KHDC3L: variants seen among roughly 807,000 people sequenced by gnomAD.
KHDC3L encodes the protein KH domain-containing protein 3.
KHDC3L carries 6 observed loss-of-function variants against 11.4 expected under a neutral mutation model. That is an observed-to-expected ratio of 0.52 (90% CI 0.29 to 1.03). The LOEUF (loss-of-function observed/expected upper bound fraction) is 1.03. Ranked by LOEUF, KHDC3L falls within the 50% of genes least tolerant of loss-of-function variation. The pLI, the probability that KHDC3L is intolerant of heterozygous loss-of-function variation, is 0.09. For missense variants in KHDC3L, 293 were observed against 290.4 expected, an observed-to-expected ratio of 1.01 and a Z score of -0.07; for synonymous variants, 127 against 120.9, an observed-to-expected ratio of 1.05 and a Z score of -0.33.
rs1417733121 is a variant in KHDC3L at position 73,363,985 on chromosome 6, G to A, written c.*125G>A. 5.8e-6 allele frequency: 6 copies of A among 1,027,088 alleles called. No individual in the cohort carries two copies. Among genetic ancestry groups the A allele is most frequent in the African/African-American group, 4.7e-5 (3 of 63,288 alleles). The allele number at this position is 1,027,088 out of a possible 1,614,324, so 63.6% of individuals were successfully genotyped here. A position where few individuals can be genotyped will look rare whatever the true frequency, so the allele number is the denominator to read the frequency against. The stretch of plus-strand genomic sequence containing the variant: ...GTTTTACCCTTTCTGTTGCATGGTT[G>A]CAAACACAAACTTGAGTTCTAATAA... On this transcript the variant is annotated 3_prime_UTR_variant, in exon 3 of 3. Transcript: ENST00000370367.
intron 1 of KHDC3L, 39 bp from the exon 2 acceptor site, chr6:73,363,056 A>G (rs1431265281): frequency 6.2e-7 from 1 of 1,612,596 alleles, no homozygotes; most frequent in Admixed American, 1.7e-5. Context: ...GACCCCCGGG[A>G]GCCACCGGTC....
At chr6:73,363,355 GGC>G in intron 2 of KHDC3L, 81 bp downstream of exon 2, 1 of 1,555,802 alleles carries the variant, frequency 6.4e-7, no homozygotes, top group Non-Finnish European at 8.8e-7. Context: ...CTGCTGGGGC[GGC>G]AGTCTCGCCC....
Position 73,363,238 on chromosome 6 carries a change from AACCTGGCTG to A in KHDC3L, c.316_324del (p.Leu106_Asp108del). 1 of 1,614,196 alleles carries A rather than the reference AACCTGGCTG, an allele frequency of 6.2e-7. No homozygotes were observed. Among genetic ancestry groups the A allele is most frequent in the Non-Finnish European group, 8.5e-7 (1 of 1,180,018 alleles). On this transcript the variant is annotated inframe_deletion, in exon 2 of 3. Coordinates refer to ENST00000370367, the MANE Select transcript of KHDC3L (RefSeq NM_001017361.3). ...GGAGGACACAATCAAGATGATCATG[AACCTGGCTG>A]ACTATCACCGCCAGCTCCAGGCGAA... is the stretch of plus-strand genomic sequence containing the variant.
chr6:73,363,732 G>A lies in KHDC3L; in HGVS notation c.526G>A (p.Glu176Lys), dbSNP rs1254478088. The A allele has an allele frequency of 1.2e-6, 2 of 1,613,850 alleles. No individual in the cohort carries two copies. The highest frequency in any genetic ancestry group is 1.6e-4 in the Middle Eastern group (1 of 6,062). Reference protein sequence around the residue: ...GTQGSPVEVQEAGTQQSLQAA... With the variant: ...GTQGSPVEVQKAGTQQSLQAA... ...ACAGGGTTCTCCGGTGGAGGTGCAG[G>A]AGGCCGGGACCCAGCAGTCTCTCCA... The change falls in exon 3 of 3, where the codon GAG becomes AAG. Residue 176 changes from glutamate to lysine, a missense_variant. Transcript: ENST00000370367.
In KHDC3L at chr6:73,363,135, C is replaced by G. The variant is rs772853011; in HGVS notation, c.210C>G (p.Ser70=). ...GCATCCCGCACGTCCAGGGTATGTCCCAAATCTTGATTCACGTGAATCGAT... is the reference window on the plus strand; with the variant it reads ...GCATCCCGCACGTCCAGGGTATGTCGCAAATCTTGATTCACGTGAATCGAT... ...GERIPHVQGM[S]QILIHVNRLD... The change falls in exon 2 of 3, where the codon TCC becomes TCG. Residue 70 remains serine (S), a synonymous_variant. Coordinates refer to ENST00000370367, the MANE Select transcript of KHDC3L (RefSeq NM_001017361.3). 2 of 1,614,004 alleles carry G rather than the reference C, an allele frequency of 1.2e-6. No individual in the cohort carries two copies. Among genetic ancestry groups the G allele is most frequent in the African/African-American group, 2.7e-5 (2 of 74,912 alleles).
chr6:73,363,018 G>A lies in KHDC3L; in HGVS notation c.170-77G>A, dbSNP rs1655762614. On this transcript the variant is annotated intron_variant, in intron 1 of 2. Coordinates refer to ENST00000370367, the MANE Select transcript of KHDC3L (RefSeq NM_001017361.3). ...CACCAGTAGCCAATGCCCTCTGGCT[G>A]TCTCCTCCTTCCACCTTCCCCTCCC... The A allele has an allele frequency of 4.4e-6, 7 of 1,602,728 alleles. No homozygotes were observed. The Admixed American group carries it at 8.3e-5, about 19-fold the overall frequency.
intron 2 of KHDC3L, 121 bp downstream of exon 2, chr6:73,363,395 G>C: frequency 7.0e-7 from 1 of 1,427,372 alleles, no homozygotes; most frequent in South Asian, 1.2e-5. Flanking sequence ...TTGGTGGGTG[G>C]GGGAGGGGGC....
chr6:73,363,011 T>G (rs1768894898), intron 1 of KHDC3L, 84 bp from the exon 2 acceptor site: 2 of 1,598,348 alleles, frequency 1.3e-6, no homozygotes, highest in African/African-American at 2.7e-5. Context: ...GCCAATGCCC[T>G]CTGGCTGTCT....
Position 73,364,004 on chromosome 6 carries a change from CTAA to C in KHDC3L, c.*148_*150del, listed in dbSNP as rs1411311999. On this transcript the variant is annotated 3_prime_UTR_variant, in exon 3 of 3. Coordinates refer to ENST00000370367, the MANE Select transcript of KHDC3L (RefSeq NM_001017361.3). ...ATGGTTGCAAACACAAACTTGAGTT[CTAA>C]TAAAGAATTGCAAAGTGGAAGCCCG... is the stretch of plus-strand genomic sequence containing the variant. The C allele has an allele frequency of 1.1e-6, 1 of 898,062 alleles. No homozygotes were observed. Among genetic ancestry groups the C allele is most frequent in the African/African-American group, 1.7e-5 (1 of 60,606 alleles). The allele number at this position is 898,062 out of a possible 1,614,324, so 55.6% of individuals were successfully genotyped here. A position where few individuals can be genotyped will look rare whatever the true frequency, so the allele number is the denominator to read the frequency against.
rs750962169 is a variant in KHDC3L, at chr6:73,363,200, G to T, written c.275G>T (p.Arg92Met). 6.2e-7 allele frequency: 1 copy of T among 1,614,182 alleles called. No homozygotes were observed. The highest frequency in any genetic ancestry group is 1.7e-5 in the Admixed American group (1 of 60,024). Reference sequence around the variant, plus strand: ...GAGGCTGAGATCTTGGTATTTGGGAGGCCTTCTTACCAGGAGGACACAATC... The same window carrying T: ...GAGGCTGAGATCTTGGTATTTGGGATGCCTTCTTACCAGGAGGACACAATC... Reference protein sequence around the residue: ...NGEAEILVFGRPSYQEDTIKM... With the variant: ...NGEAEILVFGMPSYQEDTIKM... Residue 92 changes from arginine to methionine, a missense_variant, in exon 2 of 3, where the codon AGG becomes ATG. Coordinates refer to ENST00000370367, the MANE Select transcript of KHDC3L (RefSeq NM_001017361.3).
At position 73,363,773 on chromosome 6, in the gene KHDC3L, G is replaced by A. The variant is rs144624088; in HGVS notation, c.567G>A (p.Ser189=). ...TQQSLQAANK[S]GTQRSPEAAS... ...AGTCTCTCCAGGCTGCCAACAAGTC[G>A]GGGACCCAGCGATCCCCCGAAGCTG... is the stretch of plus-strand genomic sequence containing the variant. The change falls in exon 3 of 3, where the codon TCG becomes TCA. Residue 189 remains serine (S), a synonymous_variant. Transcript: ENST00000370367. 8 of 1,612,958 alleles carry A rather than the reference G, an allele frequency of 5.0e-6. No homozygotes were observed. Among genetic ancestry groups the A allele is most frequent in the Non-Finnish European group, 6.8e-6 (8 of 1,179,736 alleles).
At position 73,363,169 on chromosome 6, in the gene KHDC3L, A is replaced by G. The variant is rs962525376; in HGVS notation, c.244A>G (p.Asn82Asp). The change falls in exon 2 of 3, where the codon AAC becomes GAC. Residue 82 changes from asparagine (N) to aspartate (D), a missense_variant. Asn to Asp is a conservative substitution (Grantham distance 23, BLOSUM62 1). Coordinates refer to ENST00000370367, the MANE Select transcript of KHDC3L (RefSeq NM_001017361.3). ...ILIHVNRLDP[N>D]GEAEILVFGR... ...GATTCACGTGAATCGATTGGACCCT[A>G]ACGGCGAGGCTGAGATCTTGGTATT... 6.2e-7 allele frequency: 1 copy of G among 1,614,014 alleles called. No homozygotes were observed. Among genetic ancestry groups the G allele is most frequent in the African/African-American group, 1.3e-5 (1 of 74,894 alleles).
chr6:73,362,721 G>C lies in KHDC3L; in HGVS notation c.-9G>C. On this transcript the variant is annotated 5_prime_UTR_variant, in exon 1 of 3. Transcript: ENST00000370367. The stretch of plus-strand genomic sequence containing the variant: ...TGGTGTCCTTGTCTCCTGCAGGACC[G>C]GCCGCAGCATGGACGCTCCCAGGCG... 6.2e-7 allele frequency: 1 copy of C among 1,613,910 alleles called. No homozygotes were observed. Among genetic ancestry groups the C allele is most frequent in the Non-Finnish European group, 8.5e-7 (1 of 1,179,958 alleles).
Position 73,362,883 on chromosome 6 carries a change from G to C in KHDC3L, c.154G>C (p.Val52Leu), listed in dbSNP as rs199603559. ...GGTAGTTCGCCTTGAGGTTTGGCTG[G>C]TGGAAAAGATCTTCGGTGAGTGGAC... Reference protein sequence around the residue: ...PKVVRLEVWLVEKIFGRGGER... With the variant: ...PKVVRLEVWLLEKIFGRGGER... The change falls in exon 1 of 3, where the codon GTG (valine) becomes CTG (leucine). Residue 52 changes from valine to leucine, a missense_variant. By Grantham distance (32) the Val-to-Leu change is conservative. Coordinates refer to ENST00000370367, the MANE Select transcript of KHDC3L (RefSeq NM_001017361.3). 2.5e-6 allele frequency: 4 copies of C among 1,614,178 alleles called. No homozygotes were observed. Among genetic ancestry groups the C allele is most frequent in the Non-Finnish European group, 3.4e-6 (4 of 1,180,040 alleles).
chr6:73,363,261 G>C lies in KHDC3L; in HGVS notation c.336G>C (p.Gln112His). Residue 112 changes from glutamine (Q) to histidine (H), a missense_variant, in exon 2 of 3, where the codon CAG (glutamine) becomes CAC (histidine). Coordinates refer to ENST00000370367, the MANE Select transcript of KHDC3L (RefSeq NM_001017361.3). The part of the protein sequence containing the change: ...MIMNLADYHR[Q>H]LQAKGSGKAL... ...TGAACCTGGCTGACTATCACCGCCA[G>C]CTCCAGGCGAAAGGTACGGGGCTGG... The C allele has an allele frequency of 6.2e-7, 1 of 1,614,162 alleles. No homozygotes were observed. Among genetic ancestry groups the C allele is most frequent in the Non-Finnish European group, 8.5e-7 (1 of 1,180,020 alleles).
chr6:73,363,738 G>A lies in KHDC3L; in HGVS notation c.532G>A (p.Gly178Arg), dbSNP rs748946658. 15 of 1,613,744 alleles carry A rather than the reference G, an allele frequency of 9.3e-6. No individual in the cohort carries two copies. In the Admixed American group the frequency reaches 1.0e-4, roughly 11 times the overall value. Residue 178 changes from glycine to arginine, a missense_variant, in exon 3 of 3, where the codon GGG (glycine) becomes AGG (arginine). Coordinates refer to ENST00000370367, the MANE Select transcript of KHDC3L (RefSeq NM_001017361.3). The part of the protein sequence containing the change: ...QGSPVEVQEA[G>R]TQQSLQAANK... Reference sequence around the variant, plus strand: ...TTCTCCGGTGGAGGTGCAGGAGGCCGGGACCCAGCAGTCTCTCCAGGCTGC... The same window carrying A: ...TTCTCCGGTGGAGGTGCAGGAGGCCAGGACCCAGCAGTCTCTCCAGGCTGC...
Position 73,363,937 on chromosome 6 carries a change from T to TG in KHDC3L, c.*81dup. The TG allele has an allele frequency of 5.4e-6, 8 of 1,475,200 alleles. No individual in the cohort carries two copies. The highest frequency in any genetic ancestry group is 7.5e-6 in the Non-Finnish European group (8 of 1,072,160). The allele number at this position is 1,475,200 out of a possible 1,614,324, so 91.4% of individuals were successfully genotyped here. On this transcript the variant is annotated 3_prime_UTR_variant, in exon 3 of 3. Transcript: ENST00000370367. ...CGTATTTCCGCCCAGAAGCTGGGGTTGGGGAGAGGATGTGGATTTTTTGTT... is the reference window on the plus strand; with the variant it reads ...CGTATTTCCGCCCAGAAGCTGGGGTTGGGGGAGAGGATGTGGATTTTTTGTT...
Position 73,364,032 on chromosome 6 carries a change from G to GCCCCCCGCCT in KHDC3L, c.*179_*188dup. The GCCCCCCGCCT allele has an allele frequency of 1.4e-6, 1 of 697,204 alleles. No individual in the cohort carries two copies. The highest frequency in any genetic ancestry group is 1.7e-5 in the South Asian group (1 of 57,678). 43.2% of individuals were successfully genotyped at this position (697,204 alleles called of 1,614,324 possible). A position where few individuals can be genotyped will look rare whatever the true frequency, so the allele number is the denominator to read the frequency against. On this transcript the variant is annotated 3_prime_UTR_variant, in exon 3 of 3. Transcript: ENST00000370367. Reference sequence around the variant, plus strand: ...ATAAAGAATTGCAAAGTGGAAGCCCGCCCCCCGCCTCCCCCCCGCCTCACT... The same window carrying GCCCCCCGCCT: ...ATAAAGAATTGCAAAGTGGAAGCCCGCCCCCCGCCTCCCCCCGCCTCCCCCCCGCCTCACT...
chr6:73,363,316 T>G, intron 2 of KHDC3L, 42 bp downstream of exon 2: 2 of 1,605,984 alleles, frequency 1.2e-6, no homozygotes, highest in Middle Eastern at 1.7e-4. Context: ...AAACCCTGGC[T>G]CCGTAGGAGT....
Sources: gnomAD v4.1 joint callset for allele counts on GRCh38, gnomAD v4.1.1 for gene constraint, MANE v1.5 for transcripts, NCBI Gene and HGNC (gene_info 2026-07-23, HGNC 2026-07-21) for gene names.